NCKAP5L: variants seen among roughly 807,000 people sequenced by gnomAD.
NCKAP5L encodes the protein NCK associated protein 5 like.
NCKAP5L carries 54 observed loss-of-function variants against 103.2 expected under a neutral mutation model. That is an observed-to-expected ratio of 0.52 (90% CI 0.42 to 0.66). The LOEUF (loss-of-function observed/expected upper bound fraction) is 0.66. Among genes scored for constraint, NCKAP5L ranks in the 30% least tolerant of loss-of-function variants. The pLI is 0.00. For missense variants in NCKAP5L, 1,733 were observed against 1,750.6 expected, an observed-to-expected ratio of 0.99 and a Z score of 0.18; for synonymous variants, 762 against 748.6, an observed-to-expected ratio of 1.02 and a Z score of -0.29.
Position 49,795,612 on chromosome 12 carries a change from G to A in NCKAP5L, c.2248C>T (p.Arg750Ter). 4.4e-6 allele frequency: 7 copies of A among 1,597,392 alleles called. No individual in the cohort carries two copies. The highest frequency in any genetic ancestry group is 4.3e-6 in the Non-Finnish European group (5 of 1,172,046). ...EPGLMGDPGA[R>*]VYSSHSMGAR... The stretch of plus-strand genomic sequence containing the variant: ...CCCATGGAGTGAGAGGAGTAGACTC[G>A]GGCCCCGGGATCCCCCATAAGTCCA... The change falls in exon 8 of 13, where the codon CGA (arginine) becomes TGA (stop). Residue 750 changes from arginine (R) to a stop codon, truncating the protein, a stop_gained. Transcript: ENST00000335999. LOFTEE classifies it high-confidence loss of function.
At chr12:49,827,139 G>A (rs757087608) in intron 1 of NCKAP5L, among the ~76,000 whole-genome samples, 6 of 152,138 alleles carry the variant, frequency 3.9e-5, no homozygotes, top group Admixed American at 6.5e-5. Flanking sequence ...AGGCAAATGG[G>A]CTATGTTCAT....
At chr12:49,809,357 A>G (rs1946215136) in intron 1 of NCKAP5L, among the ~76,000 whole-genome samples, 1 of 152,150 alleles carries the variant, frequency 6.6e-6, no homozygotes, top group South Asian at 2.1e-4. Context: ...GGCAGGCGGC[A>G]GCAAGCCTGT....
Position 49,796,402 on chromosome 12 carries a change from G to T in NCKAP5L, c.1458C>A (p.Ile486=), listed in dbSNP as rs1295846185. The change falls in exon 8 of 13, where the codon ATC becomes ATA. Residue 486 remains isoleucine, a synonymous_variant. Coordinates refer to ENST00000335999, the MANE Select transcript of NCKAP5L (RefSeq NM_001037806.4). ...LSPQLPRNSR[I]PCRNSGSDGS... is the part of the protein sequence containing the mutation. ...CGTCTGAGCCACTGTTCCGACAGGG[G>T]ATTCGCGAGTTCCGGGGGAGCTGGG... 6.3e-7 allele frequency: 1 copy of T among 1,577,634 alleles called. No homozygotes were observed. The highest frequency in any genetic ancestry group is 8.6e-7 in the Non-Finnish European group (1 of 1,162,058).
At chr12:49,801,759 A>C (rs1170705683) in intron 6 of NCKAP5L, 89 bp downstream of exon 6, 2 of 1,505,996 alleles carry the variant, frequency 1.3e-6, no homozygotes, top group Non-Finnish European at 1.8e-6. Context: ...CTGCTTCCCT[A>C]GGGGCACGTG....
Position 49,803,127 on chromosome 12 carries a change from C to A in NCKAP5L, c.162G>T (p.Gln54His). ...NSALAQANEN[Q>H]RETYERCLDE... ...CCAGACAGCGCTCATAAGTCTCCCG[C>A]TGGTTTTCGTTGGCCTGGGCAAGTG... The change falls in exon 4 of 13, where the codon CAG becomes CAT. Residue 54 changes from glutamine (Q) to histidine (H), a missense_variant. Gln to His is a conservative substitution (Grantham distance 24). Coordinates refer to ENST00000335999, the MANE Select transcript of NCKAP5L (RefSeq NM_001037806.4). 1 of 1,614,274 alleles carries A rather than the reference C, an allele frequency of 6.2e-7. No homozygotes were observed. The highest frequency in any genetic ancestry group is 8.5e-7 in the Non-Finnish European group (1 of 1,180,046).
intron 1 of NCKAP5L, among the ~76,000 whole-genome samples, chr12:49,826,910 G>T (rs1162263376): frequency 1.3e-5 from 2 of 152,184 alleles, no homozygotes; most frequent in African/African-American, 4.8e-5. Context: ...GAGGGACAAA[G>T]CCACCTCATG....
chr12:49,796,269 C>T lies in NCKAP5L; in HGVS notation c.1591G>A (p.Asp531Asn). 6.4e-7 allele frequency: 1 copy of T among 1,555,834 alleles called. No homozygotes were observed. Among genetic ancestry groups the T allele is most frequent in the Non-Finnish European group, 8.7e-7 (1 of 1,150,472 alleles). Residue 531 changes from aspartate (D) to asparagine (N), a missense_variant, in exon 8 of 13, where the codon GAC becomes AAC. Physicochemically the swap from Asp to Asn is conservative, Grantham distance 23. Transcript: ENST00000335999. Reference sequence around the variant, plus strand: ...TGCGGGGGTCTGAGCTGTGTGGAGTCTGGGGTTGTGTAGCAGGGTGAAGGG... The same window carrying T: ...TGCGGGGGTCTGAGCTGTGTGGAGTTTGGGGTTGTGTAGCAGGGTGAAGGG... ...TSPSPCYTTPDSTQLRPPQSA... is the reference protein window; with the variant it reads ...TSPSPCYTTPNSTQLRPPQSA...
intron 6 of NCKAP5L, among the ~76,000 whole-genome samples, chr12:49,800,428 C>T (rs1250153017): frequency 6.6e-6 from 1 of 152,218 alleles, no homozygotes; most frequent in African/African-American, 2.4e-5. Flanking sequence ...CAATTCCATA[C>T]GTGTTGTCAA....
intron 1 of NCKAP5L, among the ~76,000 whole-genome samples, chr12:49,816,387 C>T (rs1279163751): frequency 5.3e-5 from 8 of 151,264 alleles, no homozygotes; most frequent in African/African-American, 1.9e-4. Flanking sequence ...AGACCCCTAA[C>T]TATCCTCCAT....
In NCKAP5L at chr12:49,792,897, G is replaced by C; in HGVS notation, c.3430C>G (p.Leu1144Val). ...HGSSGTPSKN[L>V]PKTKPPRLDP... ...AGCCGCGGTGGCTTGGTCTTAGGAA[G>C]ATTCTTGCTGGGGGTCCCACTGCTA... is the stretch of plus-strand genomic sequence containing the variant. The change falls in exon 11 of 13, where the codon CTT (leucine) becomes GTT (valine). Residue 1144 changes from leucine to valine, a missense_variant. Physicochemically the swap from Leu to Val is conservative, Grantham distance 32. Coordinates refer to ENST00000335999, the MANE Select transcript of NCKAP5L (RefSeq NM_001037806.4). The surrounding 1 kb of genome is among the most constrained non-coding windows in gnomAD (Gnocchi z 4.5). The C allele has an allele frequency of 6.5e-7, 1 of 1,546,638 alleles. No homozygotes were observed. The highest frequency in any genetic ancestry group is 2.3e-5 in the East Asian group (1 of 44,332).
At chr12:49,827,089 A>G (rs933795530) in intron 1 of NCKAP5L, among the ~76,000 whole-genome samples, 19 of 152,314 alleles carry the variant, frequency 1.2e-4, no homozygotes, top group Admixed American at 1.2e-3. Flanking sequence ...AGTCTCAGAG[A>G]GCCAGATGGC....
Position 49,797,243 on chromosome 12 carries a change from C to G in NCKAP5L, c.617G>C (p.Cys206Ser), listed in dbSNP as rs1396361769. Residue 206 changes from cysteine (C) to serine (S), a missense_variant, in exon 8 of 13, where the codon TGC (cysteine) becomes TCC (serine). By Grantham distance (112) the Cys-to-Ser change is moderately radical. Coordinates refer to ENST00000335999, the MANE Select transcript of NCKAP5L (RefSeq NM_001037806.4). The surrounding 1 kb of genome is among the most constrained non-coding windows in gnomAD (Gnocchi z 4.5). The part of the protein sequence containing the change: ...ALEETDPLLL[C>S]SPATPWRPPG... ...AGGCCGCCAGGGGGTGGCAGGTGAG[C>G]AGAGAAGCAAGGGGTCAGTCTCTTC... 6.2e-7 allele frequency: 1 copy of G among 1,613,352 alleles called. No homozygotes were observed. Among genetic ancestry groups the G allele is most frequent in the East Asian group, 2.2e-5 (1 of 44,880 alleles).
Position 49,795,688 on chromosome 12 carries a change from C to A in NCKAP5L, c.2172G>T (p.Gly724=), listed in dbSNP as rs757745975. The change falls in exon 8 of 13, where the codon GGG becomes GGT. Residue 724 remains glycine (G), a synonymous_variant. Coordinates refer to ENST00000335999, the MANE Select transcript of NCKAP5L (RefSeq NM_001037806.4). ...RPLEQLEAKG[G]IRGAVALGTN... Reference sequence around the variant, plus strand: ...TGCCCAAGGCCACTGCCCCCCGTATCCCCCCCTTGGCTTCTAGCTGCTCCA... The same window carrying A: ...TGCCCAAGGCCACTGCCCCCCGTATACCCCCCTTGGCTTCTAGCTGCTCCA... 2 of 1,610,908 alleles carry A rather than the reference C, an allele frequency of 1.2e-6. No individual in the cohort carries two copies. The highest frequency in any genetic ancestry group is 8.5e-7 in the Non-Finnish European group (1 of 1,178,522).
intron 2 of NCKAP5L, chr12:49,805,411 A>C (rs1394505423): frequency 3.3e-5 from 5 of 152,250 alleles, no homozygotes; most frequent in Non-Finnish European, 5.9e-5. Flanking sequence ...TGAACTGACT[A>C]GTCTTCATCT....
At chr12:49,799,914 G>A (rs903542995) in intron 6 of NCKAP5L, among the ~76,000 whole-genome samples, 1 of 152,200 alleles carries the variant, frequency 6.6e-6, no homozygotes, top group Non-Finnish European at 1.5e-5. Flanking sequence ...TCTCCCATCC[G>A]GCCGGGCATG....
chr12:49,796,105 T>C lies in NCKAP5L; in HGVS notation c.1755A>G (p.Pro585=). 1 of 1,608,822 alleles carries C rather than the reference T, an allele frequency of 6.2e-7. No individual in the cohort carries two copies. The highest frequency in any genetic ancestry group is 8.5e-7 in the Non-Finnish European group (1 of 1,177,796). The part of the protein sequence containing the change: ...PPSPLQVPTY[P]QLTLEVPQAP... ...CCTGTGGTACCTCCAGAGTTAGCTG[T>C]GGGTAGGTGGGCACCTGCAGTGGGG... is the stretch of plus-strand genomic sequence containing the variant. The change falls in exon 8 of 13, where the codon CCA becomes CCG. Residue 585 remains proline (P), a synonymous_variant. Transcript: ENST00000335999.
chr12:49,795,502 C>T lies in NCKAP5L; in HGVS notation c.2358G>A (p.Leu786=). 6.5e-7 allele frequency: 1 copy of T among 1,532,388 alleles called. No homozygotes were observed. Among genetic ancestry groups the T allele is most frequent in the Non-Finnish European group, 8.7e-7 (1 of 1,144,722 alleles). The allele number at this position is 1,532,388 out of a possible 1,614,324, so 94.9% of individuals were successfully genotyped here. A position where few individuals can be genotyped will look rare whatever the true frequency, so the allele number is the denominator to read the frequency against. The change falls in exon 8 of 13, where the codon CTG becomes CTA. Residue 786 remains leucine (L), a synonymous_variant. Coordinates refer to ENST00000335999, the MANE Select transcript of NCKAP5L (RefSeq NM_001037806.4). ...ELAKSRLAGA[L]CPQVPRTPAK... ...CAGGGGTACGGGGTACCTGGGGGCA[C>T]AGGGCCCCTGCCAGCCGGCTCTTGG...
At chr12:49,818,133 G>GAA (rs561411067) in intron 1 of NCKAP5L, among the ~76,000 whole-genome samples, 6 of 133,640 alleles carry the variant, frequency 4.5e-5, no homozygotes, top group African/African-American at 5.5e-5. Context: ...CTGTGTCTTG[G>GAA]AAAAAAAAAA....
At chr12:49,825,398 G>A (rs917871173) in intron 1 of NCKAP5L, among the ~76,000 whole-genome samples, 9 of 152,178 alleles carry the variant, frequency 5.9e-5, no homozygotes, top group Non-Finnish European at 1.0e-4. Flanking sequence ...GGCTAGAAAG[G>A]GCACTTGTTT....
Sources: allele counts gnomAD v4.1 joint callset (sites outside exome capture counted in the v4.1 genomes callset), GRCh38; gene constraint gnomAD v4.1.1; non-coding constraint Gnocchi (gnomAD v3.1); transcripts MANE v1.5; gene names NCBI Gene and HGNC (gene_info 2026-07-23, HGNC 2026-07-21).